Variants in NELL1 observed in about 807,000 individuals in gnomAD.
NELL1 encodes the protein neural EGFL like 1.
A neutral mutation model predicts 107.4 loss-of-function variants in NELL1; 76 were observed. That is an observed-to-expected ratio of 0.71 (90% confidence interval 0.59 to 0.86). NELL1 has a LOEUF of 0.86. NELL1 is among the 40% of genes least tolerant of loss of function. The pLI is 0.00. For missense variants in NELL1, 1,024 were observed against 1,005.5 expected, an observed-to-expected ratio of 1.02 and a Z score of -0.25; for synonymous variants, 353 against 341.2, an observed-to-expected ratio of 1.03 and a Z score of -0.38.
chr11:21,277,485 G>A (rs1590797243), intron 14 of NELL1, among the ~76,000 whole-genome samples: 1 of 151,944 alleles, frequency 6.6e-6, no homozygotes, highest in South Asian at 2.1e-4. Context: ...GTGGAAGTCA[G>A]TGTGGCGATT....
chr11:21,412,772 A>C (rs1342379928), intron 15 of NELL1, among the ~76,000 whole-genome samples: 1 of 152,112 alleles, frequency 6.6e-6, no homozygotes, highest in East Asian at 1.9e-4. Context: ...TAACCCCTTA[A>C]GTATAACTCC....
rs191420428 is a variant in NELL1 at position 20,977,063 on chromosome 11, A to G, written c.1300+16503A>G. Among the ~76,000 whole-genome samples the G allele has an allele frequency of 3.0e-3, 459 of 152,122 alleles. 1 individual carries two copies. The highest frequency in any genetic ancestry group is 0.01 in the African/African-American group (421 of 41,518). ...GAATATGTGGCCATTAAGCCCGTGT[A>G]TAGCTAGAATAAATATGACAATAAC... is the stretch of plus-strand genomic sequence containing the variant. On this transcript the variant is annotated intron_variant, in intron 12 of 19. Transcript: ENST00000357134.
chr11:21,298,603 C>A (rs74546346), intron 14 of NELL1, among the ~76,000 whole-genome samples: 1 of 152,084 alleles, frequency 6.6e-6, no homozygotes, highest in African/African-American at 2.4e-5. Context: ...GAGCAGGTGG[C>A]ATAATCTACT....
intron 13 of NELL1, among the ~76,000 whole-genome samples, chr11:21,186,555 T>G (rs1443272423): frequency 6.6e-6 from 1 of 151,892 alleles, no homozygotes; most frequent in Non-Finnish European, 1.5e-5. Flanking sequence ...CTCCAAGGCT[T>G]GTTAAGCCTT....
intron 14 of NELL1, among the ~76,000 whole-genome samples, chr11:21,331,997 C>T (rs1374026507): frequency 6.6e-6 from 1 of 151,956 alleles, no homozygotes; most frequent in African/African-American, 2.4e-5. Flanking sequence ...TGGTTCGTGT[C>T]AGTCTAATAT....
chr11:21,520,210 C>T (rs1448784432), intron 15 of NELL1, among the ~76,000 whole-genome samples: 1 of 152,190 alleles, frequency 6.6e-6, no homozygotes, highest in Non-Finnish European at 1.5e-5. Flanking sequence ...CACCAGAATT[C>T]AGTTCCTATC....
In NELL1 at chr11:21,172,117, A is replaced by C. The variant is rs145886646; in HGVS notation, c.1427-57215A>C. On this transcript the variant is annotated intron_variant, in intron 13 of 19. Transcript: ENST00000357134. ...AAGGGCGTTTTAAAAACTGCACCGCAAAGGGTATTTTTTGGATCTACCTAT... is the reference window on the plus strand; with the variant it reads ...AAGGGCGTTTTAAAAACTGCACCGCCAAGGGTATTTTTTGGATCTACCTAT... 5.0e-4 allele frequency among the ~76,000 whole-genome samples: 76 copies of C among 151,988 alleles called. No homozygotes were observed. In the East Asian group the frequency reaches 0.012, roughly 23 times the overall value.
intron 12 of NELL1, among the ~76,000 whole-genome samples, chr11:21,046,290 A>G (rs1235830414): frequency 6.6e-6 from 1 of 152,182 alleles, no homozygotes; most frequent in Non-Finnish European, 1.5e-5. Flanking sequence ...AAACCACAAA[A>G]CTAATCAACA....
Position 20,847,723 on chromosome 11 carries a change from C to A in NELL1, c.476C>A (p.Ser159Tyr), listed in dbSNP as rs1390789276. The A allele has an allele frequency of 1.2e-6, 2 of 1,612,798 alleles. No homozygotes were observed. Among genetic ancestry groups the A allele is most frequent in the Non-Finnish European group, 1.7e-6 (2 of 1,179,436 alleles). Residue 159 changes from serine (S) to tyrosine (Y), a missense_variant, in exon 4 of 20, where the codon TCT (serine) becomes TAT (tyrosine). Physicochemically the swap from Ser to Tyr is moderately radical, Grantham distance 144 (BLOSUM62 -2). Transcript: ENST00000357134. ...WHKVALSVSA[S>Y]HLLLHVDCNR... is the part of the protein sequence containing the mutation. ...AAGGTTGCACTGTCAGTTAGCGCCT[C>A]TCATCTCCTGCTCCATGTCGACTGT...
chr11:21,507,061 G>C (rs1200941028), intron 15 of NELL1, among the ~76,000 whole-genome samples: 1 of 152,112 alleles, frequency 6.6e-6, no homozygotes, highest in Non-Finnish European at 1.5e-5. Flanking sequence ...CACAAACAAT[G>C]AGGCTCAGAG....
intron 13 of NELL1, among the ~76,000 whole-genome samples, chr11:21,214,981 T>C (rs1444683482): frequency 6.6e-6 from 1 of 152,206 alleles, no homozygotes; most frequent in Admixed American, 6.5e-5. Context: ...AACATGCTAA[T>C]GTCAATCTTC....
intron 13 of NELL1, among the ~76,000 whole-genome samples, chr11:21,199,569 C>G (rs537759426): frequency 1.7e-4 from 26 of 152,146 alleles, no homozygotes; most frequent in African/African-American, 6.0e-4. Flanking sequence ...TAGTTTGAGT[C>G]TGGCTAGTTA....
At chr11:20,931,639 T>G (rs1359145069) in intron 9 of NELL1, among the ~76,000 whole-genome samples, 1 of 152,116 alleles carries the variant, frequency 6.6e-6, no homozygotes, top group Non-Finnish European at 1.5e-5. Flanking sequence ...TAGTCAAATC[T>G]TGTTTTTTAA....
intron 13 of NELL1, among the ~76,000 whole-genome samples, chr11:21,161,968 T>TTTTTTTTA (rs1856381927): frequency 6.8e-6 from 1 of 146,464 alleles, no homozygotes; most frequent in Non-Finnish European, 1.5e-5. Flanking sequence ...TTTTTTTTTT[T>TTTTTTTTA]GAGACAGAGT....
chr11:21,103,960 C>T (rs1854885328), intron 12 of NELL1, among the ~76,000 whole-genome samples: 1 of 152,212 alleles, frequency 6.6e-6, no homozygotes, highest in Admixed American at 6.5e-5. Context: ...GCAGAGACCA[C>T]ATCCCACTGA....
chr11:20,836,866 T>A (rs1212225932), intron 3 of NELL1, among the ~76,000 whole-genome samples: 1 of 152,114 alleles, frequency 6.6e-6, no homozygotes, highest in Admixed American at 6.6e-5. Context: ...TTGGGTGTAA[T>A]TCTGTAATGG....
chr11:20,971,130 G>T (rs998136637), intron 12 of NELL1, among the ~76,000 whole-genome samples: 3 of 152,000 alleles, frequency 2.0e-5, no homozygotes, highest in African/African-American at 7.2e-5. Context: ...AATCTATCTT[G>T]CTCTGCTTGT....
intron 13 of NELL1, among the ~76,000 whole-genome samples, chr11:21,214,485 A>G (rs1857570662): frequency 6.6e-6 from 1 of 152,158 alleles, no homozygotes; most frequent in Non-Finnish European, 1.5e-5. Context: ...TTAAAAACAT[A>G]ATGCATTATT....
intron 15 of NELL1, among the ~76,000 whole-genome samples, chr11:21,462,706 A>C (rs1458349891): frequency 1.3e-5 from 2 of 152,024 alleles, no homozygotes; most frequent in East Asian, 3.9e-4. Context: ...TGGGTTTCTC[A>C]GTCGGAGGTG....
Sources: gnomAD v4.1 joint callset for allele counts (sites outside exome capture counted in the v4.1 genomes callset) on GRCh38, gnomAD v4.1.1 for gene constraint, MANE v1.5 for transcripts, NCBI Gene and HGNC (gene_info 2026-07-23, HGNC 2026-07-21) for gene names.